Variants in ZNF516 observed in about 807,000 individuals in gnomAD.
ZNF516 encodes zinc finger protein 516.
In ZNF516, 19 loss-of-function variants were observed where a neutral mutation model predicts 79.7. The observed-to-expected ratio is 0.24, with a 90% confidence interval of 0.17 to 0.35. The LOEUF (loss-of-function observed/expected upper bound fraction) is 0.35. ZNF516 is among the 10% of genes least tolerant of loss of function. ZNF516 has a pLI of 1.00. For missense variants in ZNF516, 1,678 were observed against 1,679.5 expected (o/e 1.00, Z 0.02); for synonymous variants, 877 against 739.5 (o/e 1.19, Z -3.02).
chr18:76,442,631 C>G lies in ZNF516; in HGVS notation c.424G>C (p.Gly142Arg), dbSNP rs756656081. ...SQADGARVLN[G>R]ASQADSGRVL... ...CTGCCGCTGTCGGCCTGCGAGGCCC[C>G]GTTCAGGACCCTGGCGCCGTCGGCC... is the stretch of plus-strand genomic sequence containing the variant. The change falls in exon 3 of 7, where the codon GGG becomes CGG. Residue 142 changes from glycine (G) to arginine (R), a missense_variant. Transcript: ENST00000443185. 2.3e-5 allele frequency: 37 copies of G among 1,594,008 alleles called. No homozygotes were observed. Among genetic ancestry groups the G allele is most frequent in the Non-Finnish European group, 2.6e-5 (31 of 1,176,738 alleles).
At chr18:76,487,664 C>T (rs1450024592) in intron 1 of ZNF516, among the ~76,000 whole-genome samples, 13 of 152,090 alleles carry the variant, frequency 8.5e-5, no homozygotes, top group Non-Finnish European at 1.9e-4. Flanking sequence ...GAAAATCGAA[C>T]GATTCTGATA....
Position 76,382,252 on chromosome 18 carries a change from T to C in ZNF516, c.1811-1949A>G, listed in dbSNP as rs138859101. 1.9e-3 allele frequency among the ~76,000 whole-genome samples: 296 copies of C among 152,304 alleles called. 2 individuals are homozygous for C. Among genetic ancestry groups the C allele is most frequent in the African/African-American group, 6.5e-3 (269 of 41,568 alleles). On this transcript the variant is annotated intron_variant, in intron 3 of 6. Transcript: ENST00000443185. ...TATGAGAAAGGAGACTGGGCAGTGC[T>C]AGGATGCACCACGGATAAAAACATG...
At chr18:76,454,414 T>C (rs1355699794) in intron 2 of ZNF516, among the ~76,000 whole-genome samples, 1 of 152,262 alleles carries the variant, frequency 6.6e-6, no homozygotes, top group Non-Finnish European at 1.5e-5. Flanking sequence ...TACTTTAAGA[T>C]GATCAAAATT....
chr18:76,490,371 AAC>A (rs1446980309), intron 1 of ZNF516, among the ~76,000 whole-genome samples: 6 of 152,226 alleles, frequency 3.9e-5, no homozygotes, highest in South Asian at 2.1e-4. Context: ...AAATATAAAT[AAC>A]AGTTACCTGA....
intron 1 of ZNF516, chr18:76,490,679 A>G (rs986148750): frequency 4.1e-6 from 3 of 736,306 alleles, no homozygotes; most frequent in Non-Finnish European, 5.0e-6. Flanking sequence ...CTTTTAAATT[A>G]CCTTCAATCA....
At chr18:76,491,676 C>A in intron 1 of ZNF516, 1 of 533,194 alleles carries the variant, frequency 1.9e-6, no homozygotes, top group Non-Finnish European at 2.4e-6. Context: ...CCGCCCCCAC[C>A]CCGGGGCGGG....
At chr18:76,458,328 C>G (rs1306234984) in intron 2 of ZNF516, among the ~76,000 whole-genome samples, 1 of 152,232 alleles carries the variant, frequency 6.6e-6, no homozygotes, top group African/African-American at 2.4e-5. Context: ...GTGCATGGAG[C>G]TCCAATTCCT....
chr18:76,440,761 T>TGTGC (rs571461431), intron 3 of ZNF516, among the ~76,000 whole-genome samples: 1,917 of 150,228 alleles, frequency 0.013, 44 homozygotes, highest in African/African-American at 0.043. Flanking sequence ...TGTGTGTGTG[T>TGTGC]GCGCGCACGC....
chr18:76,402,556 C>T (rs1370424395), intron 3 of ZNF516, among the ~76,000 whole-genome samples: 1 of 152,154 alleles, frequency 6.6e-6, no homozygotes, highest in Non-Finnish European at 1.5e-5. Context: ...CTGCGGGGGA[C>T]AGAGGAAGAC....
chr18:76,403,547 T>C (rs2075259751), intron 3 of ZNF516, among the ~76,000 whole-genome samples: 2 of 152,188 alleles, frequency 1.3e-5, no homozygotes, highest in Admixed American at 1.3e-4. Context: ...GGTCAGCGAC[T>C]GTACAATGAG....
At chr18:76,452,031 T>C (rs774065409) in intron 2 of ZNF516, among the ~76,000 whole-genome samples, 6 of 152,226 alleles carry the variant, frequency 3.9e-5, no homozygotes, top group South Asian at 4.1e-4. Context: ...AATAATCCAT[T>C]ATGAACCAGC....
At chr18:76,383,792 G>T (rs1368156150) in intron 3 of ZNF516, among the ~76,000 whole-genome samples, 1 of 152,248 alleles carries the variant, frequency 6.6e-6, no homozygotes, top group Non-Finnish European at 1.5e-5. Flanking sequence ...GCAGGCCCAA[G>T]CGCTCCCCGC....
rs1340006455 is a variant in ZNF516 at position 76,419,832 on chromosome 18, TGAGAA to T, written c.1810+21408_1810+21412del. On this transcript the variant is annotated intron_variant, in intron 3 of 6. Transcript: ENST00000443185. ...CTCAGGTATGTCTTTATTAGCAGCA[TGAGAA>T]GAGACTAATACAAGTTCATGAGAAC... is the stretch of plus-strand genomic sequence containing the variant. Among the ~76,000 whole-genome samples the T allele has an allele frequency of 5.3e-5, 8 of 152,362 alleles. No homozygotes were observed. In the East Asian group the frequency reaches 1.5e-3, roughly 29 times the overall value.
At chr18:76,402,762 C>T (rs576504825) in intron 3 of ZNF516, among the ~76,000 whole-genome samples, 1 of 152,250 alleles carries the variant, frequency 6.6e-6, no homozygotes, top group East Asian at 1.9e-4. Flanking sequence ...CGAGCTCCAT[C>T]GGGCCGCTGC....
chr18:76,463,257 G>A (rs961103807), intron 1 of ZNF516, 116 bp from the exon 2 acceptor site: 2 of 152,234 alleles, frequency 1.3e-5, no homozygotes, highest in Non-Finnish European at 1.5e-5. Flanking sequence ...GCTACCGTAG[G>A]TATTTTCAGA....
rs71354501 is a variant in ZNF516, at chr18:76,424,245, C to A, written c.1810+17000G>T. ...AAAAGGTTCCCCCGAAACACACGCA[C>A]GTGAAAAGGCTCCCTCCTGAAACAC... On this transcript the variant is annotated intron_variant, in intron 3 of 6. Coordinates refer to ENST00000443185, the MANE Select transcript of ZNF516 (RefSeq NM_014643.4). Among the ~76,000 whole-genome samples, 2 of 6,930 alleles carry A rather than the reference C, an allele frequency of 2.9e-4. 1 individual carries two copies. Among genetic ancestry groups the A allele is most frequent in the African/African-American group, 1.3e-3 (2 of 1,542 alleles). 4.5% of individuals were successfully genotyped at this position (6,930 alleles called of 152,430 possible). A position where few individuals can be genotyped will look rare whatever the true frequency, so the allele number is the denominator to read the frequency against.
At chr18:76,464,114 A>G (rs1650211471) in intron 1 of ZNF516, among the ~76,000 whole-genome samples, 2 of 152,184 alleles carry the variant, frequency 1.3e-5, no homozygotes, top group African/African-American at 4.8e-5. Flanking sequence ...ACTTGAGGTC[A>G]GGAGTTCAAG....
chr18:76,481,055 G>C (rs1599157044), intron 1 of ZNF516, among the ~76,000 whole-genome samples: 1 of 152,170 alleles, frequency 6.6e-6, no homozygotes, highest in African/African-American at 2.4e-5. Flanking sequence ...ACAGACCCAG[G>C]TTTCTGAGCT....
upstream of ZNF516, chr18:76,496,266 C>T (rs1241572241): frequency 7.8e-7 from 1 of 1,285,772 alleles, no homozygotes; most frequent in South Asian, 1.2e-5. Flanking sequence ...GTAACACTAT[C>T]TTCTCCCACC....
Sources: gnomAD v4.1 joint callset for allele counts (sites outside exome capture counted in the v4.1 genomes callset) on GRCh38, gnomAD v4.1.1 for gene constraint, MANE v1.5 for transcripts, NCBI Gene and HGNC (gene_info 2026-07-23, HGNC 2026-07-21) for gene names.